Variants in ORC3 observed in about 807,000 individuals in gnomAD.
ORC3 encodes the protein origin recognition complex subunit 3.
In ORC3, 78 loss-of-function variants were observed where a neutral mutation model predicts 100.7. The observed-to-expected ratio is 0.77, with a 90% CI of 0.65 to 0.94. The LOEUF is 0.94. Ranked by LOEUF, ORC3 falls within the 40% of genes least tolerant of loss-of-function variation. ORC3 has a pLI of 0.00. For synonymous variants in ORC3, 295 were observed against 289.3 expected, an observed-to-expected ratio of 1.02 and a Z score of -0.20; for missense variants, 789 against 823.9, an observed-to-expected ratio of 0.96 and a Z score of 0.52.
chr6:87,664,439 A>G (rs1024408913), intron 17 of ORC3, among the ~76,000 whole-genome samples: 4 of 152,216 alleles, frequency 2.6e-5, no homozygotes, highest in Admixed American at 2.6e-4. Flanking sequence ...AGATTTCCAT[A>G]AACTTTTTAC....
At chr6:87,664,127 A>G (rs1770415193) in intron 17 of ORC3, among the ~76,000 whole-genome samples, 1 of 152,104 alleles carries the variant, frequency 6.6e-6, no homozygotes, top group Non-Finnish European at 1.5e-5. Context: ...GAGAACTGGT[A>G]TGATTTCAGT....
At chr6:87,661,284 G>T (rs1461844995) in intron 16 of ORC3, among the ~76,000 whole-genome samples, 1 of 152,068 alleles carries the variant, frequency 6.6e-6, no homozygotes, top group Non-Finnish European at 1.5e-5. Flanking sequence ...TGAAGCTACA[G>T]CTAAGTTAAC....
intron 2 of ORC3, among the ~76,000 whole-genome samples, chr6:87,600,634 T>A (rs573673405): frequency 6.6e-6 from 1 of 152,206 alleles, no homozygotes; most frequent in African/African-American, 2.4e-5. Context: ...TTGGATTCAG[T>A]AGAACAAAAT....
intron 4 of ORC3, among the ~76,000 whole-genome samples, chr6:87,604,642 A>T (rs1778201702): frequency 6.6e-6 from 1 of 152,210 alleles, no homozygotes; most frequent in Non-Finnish European, 1.5e-5. Flanking sequence ...ATACAAATAT[A>T]ACGAATATAA....
At chr6:87,635,652 C>G (rs566021159) in intron 12 of ORC3, among the ~76,000 whole-genome samples, 1 of 151,952 alleles carries the variant, frequency 6.6e-6, no homozygotes, top group Non-Finnish European at 1.5e-5. Context: ...CAAAAATTAG[C>G]CCGGCGTGGT....
At chr6:87,635,998 G>A (rs1257617444) in intron 12 of ORC3, among the ~76,000 whole-genome samples, 1 of 146,920 alleles carries the variant, frequency 6.8e-6, no homozygotes, top group Non-Finnish European at 1.5e-5. Flanking sequence ...AGGTTGGAGT[G>A]CAGTGGCGCA....
chr6:87,652,074 A>T (rs1226929974), intron 13 of ORC3, among the ~76,000 whole-genome samples: 1 of 151,708 alleles, frequency 6.6e-6, no homozygotes, highest in Non-Finnish European at 1.5e-5. Context: ...AATTTTTTAT[A>T]ATTTTAGTAG....
At chr6:87,596,442 T>G (rs867551377) in intron 2 of ORC3, among the ~76,000 whole-genome samples, 6 of 122,858 alleles carry the variant, frequency 4.9e-5, no homozygotes, top group Non-Finnish European at 1.0e-4. Flanking sequence ...TGTTTGTTTT[T>G]TTGTTGTTTT....
the ORC3 span, among the ~76,000 whole-genome samples, chr6:87,677,207 A>G: frequency 6.6e-6 from 1 of 152,202 alleles, no homozygotes; most frequent in Non-Finnish European, 1.5e-5. Context: ...AAAGCTAACA[A>G]CAAAACACTA....
At chr6:87,593,096 A>G (rs1055197489) in intron 1 of ORC3, among the ~76,000 whole-genome samples, 1 of 152,196 alleles carries the variant, frequency 6.6e-6, no homozygotes, top group East Asian at 1.9e-4. Context: ...CTGTCTCAAA[A>G]AAACAAACAA....
intron 9 of ORC3, among the ~76,000 whole-genome samples, chr6:87,621,126 T>C (rs948976477): frequency 1.3e-5 from 2 of 152,168 alleles, no homozygotes; most frequent in African/African-American, 4.8e-5. Context: ...TTAGTTTGTA[T>C]TTCAAAGATT....
At chr6:87,650,675 C>G (rs1769188951) in intron 13 of ORC3, among the ~76,000 whole-genome samples, 1 of 152,176 alleles carries the variant, frequency 6.6e-6, no homozygotes, top group South Asian at 2.1e-4. Flanking sequence ...AGTGTAAGAT[C>G]TTTCTGCTCT....
At chr6:87,661,996 C>T (rs1179492896) in intron 16 of ORC3, among the ~76,000 whole-genome samples, 1 of 152,030 alleles carries the variant, frequency 6.6e-6, no homozygotes, top group Non-Finnish European at 1.5e-5. Context: ...TATCATCTAG[C>T]TCATAGGTGA....
At chr6:87,675,240 C>T in the ORC3 span, 1 of 272,216 alleles carries the variant, frequency 3.7e-6, no homozygotes, top group Non-Finnish European at 7.0e-6. Flanking sequence ...TAAAATCACA[C>T]TAACTTCATC....
intron 2 of ORC3, among the ~76,000 whole-genome samples, chr6:87,598,893 C>T (rs12662677): frequency 0.071 from 10,743 of 152,176 alleles, 411 homozygotes; most frequent in East Asian, 0.095. Context: ...CACTTGGGCA[C>T]GTAATTAAGA....
At chr6:87,625,397 G>A (rs1779826577) in intron 11 of ORC3, among the ~76,000 whole-genome samples, 1 of 152,212 alleles carries the variant, frequency 6.6e-6, no homozygotes, top group African/African-American at 2.4e-5. Flanking sequence ...TCTGACTGGT[G>A]TGAGATGGTA....
At chr6:87,676,260 C>T in the ORC3 span, among the ~76,000 whole-genome samples, 4 of 150,458 alleles carry the variant, frequency 2.7e-5, no homozygotes, top group East Asian at 1.9e-4. Flanking sequence ...GTCAGAAGAT[C>T]GAGACCATCC....
downstream of ORC3, among the ~76,000 whole-genome samples, chr6:87,668,619 G>A (rs1303754868): frequency 6.6e-6 from 1 of 152,154 alleles, no homozygotes; most frequent in Non-Finnish European, 1.5e-5. Flanking sequence ...CTGGCAGCGT[G>A]GTGGGCTGAG....
At chr6:87,671,060 G>T (rs1466458901), downstream of ORC3, among the ~76,000 whole-genome samples, 1 of 152,218 alleles carries the variant, frequency 6.6e-6, no homozygotes, top group Non-Finnish European at 1.5e-5. Flanking sequence ...AATAGGAATT[G>T]AATGAGGTGG....
Sources: allele counts gnomAD v4.1 joint callset (sites outside exome capture counted in the v4.1 genomes callset), GRCh38; gene constraint gnomAD v4.1.1; transcripts MANE v1.5; gene names NCBI Gene and HGNC (gene_info 2026-07-23, HGNC 2026-07-21).